TENT5D: variants seen among roughly 807,000 people sequenced by gnomAD.
The protein encoded by TENT5D is cancer/testis antigen 112.
For missense variants in TENT5D, 191 were observed against 287.0 expected (o/e 0.67, Z 2.42); for synonymous variants, 103 against 100.6 (o/e 1.02, Z -0.15).
intron 3 of TENT5D, among the ~76,000 whole-genome samples, chrX:80,390,851 A>T (rs1243704283): frequency 8.9e-6 from 1 of 112,057 alleles, no homozygotes; most frequent in Non-Finnish European, 1.9e-5. Flanking sequence ...TTTATTGTGG[A>T]TGTTGAAATC....
chrX:80,380,669 C>T (rs756478320), intron 3 of TENT5D, among the ~76,000 whole-genome samples: 53 of 111,656 alleles, frequency 4.7e-4, no homozygotes, highest in Non-Finnish European at 5.6e-4. Context: ...ATATTTAGGA[C>T]AGTTAGCTCT....
upstream of TENT5D, among the ~76,000 whole-genome samples, chrX:80,415,863 G>A (rs1340808075): frequency 8.9e-6 from 1 of 111,734 alleles, no homozygotes; most frequent in Non-Finnish European, 1.9e-5. Flanking sequence ...GGTTTCAATG[G>A]GAATGGCACC....
At chrX:80,398,868 A>T (rs1182288039) in intron 3 of TENT5D, among the ~76,000 whole-genome samples, 2 of 111,297 alleles carry the variant, frequency 1.8e-5, no homozygotes, top group Non-Finnish European at 3.8e-5. Context: ...TTTCTATGGA[A>T]CCATGAAAGA....
intron 2 of TENT5D, among the ~76,000 whole-genome samples, chrX:80,341,781 G>A (rs1929963019): frequency 2.0e-5 from 2 of 99,249 alleles, no homozygotes; most frequent in Admixed American, 1.1e-4. Flanking sequence ...GCGCGATCTC[G>A]GCTCACTGCA....
At chrX:80,385,007 T>C (rs1200396767) in intron 3 of TENT5D, among the ~76,000 whole-genome samples, 1 of 111,439 alleles carries the variant, frequency 9.0e-6, no homozygotes, top group East Asian at 2.8e-4. Context: ...CAAGGTAATT[T>C]ATACATTCAA....
intron 3 of TENT5D, among the ~76,000 whole-genome samples, chrX:80,404,687 A>G (rs1931448239): frequency 8.9e-6 from 1 of 112,035 alleles, no homozygotes; most frequent in Non-Finnish European, 1.9e-5. Flanking sequence ...TTTGACTGGC[A>G]TCTTCTACCA....
At chrX:80,348,446 A>T (rs921255295) in intron 3 of TENT5D, among the ~76,000 whole-genome samples, 1 of 111,303 alleles carries the variant, frequency 9.0e-6, no homozygotes, top group Non-Finnish European at 1.9e-5. Context: ...ATGGGAGTTC[A>T]CTCATGATTT....
chrX:80,418,499 T>A (rs1446001793), upstream of TENT5D, among the ~76,000 whole-genome samples: 2 of 111,277 alleles, frequency 1.8e-5, no homozygotes, highest in Non-Finnish European at 3.8e-5. Flanking sequence ...TTATGACCTT[T>A]GGAATGAATG....
intron 3 of TENT5D, among the ~76,000 whole-genome samples, chrX:80,411,989 C>T (rs1329147053): frequency 4.5e-5 from 5 of 112,356 alleles, no homozygotes; most frequent in African/African-American, 6.5e-5. Flanking sequence ...CCACACTGCC[C>T]TAACAGAGGG....
At position 80,442,930 on chromosome X, in the gene TENT5D, G is replaced by A. The variant is rs188396741; in HGVS notation, c.391G>A (p.Val131Ile). Residue 131 changes from valine to isoleucine, a missense_variant, in exon 3 of 3, where the codon GTA (valine) becomes ATA (isoleucine). Coordinates refer to ENST00000308293, the Ensembl canonical transcript of TENT5D. ...CCCAGATATCATGAAAGACGCTTAC[G>A]TACAGAAATTGGTCAAGGTTTGCAA... 4.2e-5 allele frequency: 51 copies of A among 1,209,620 alleles called. No homozygotes were observed. Among genetic ancestry groups the A allele is most frequent in the East Asian group, 1.5e-4 (5 of 33,741 alleles).
intron 3 of TENT5D, among the ~76,000 whole-genome samples, chrX:80,366,848 C>G (rs1481614742): frequency 9.0e-6 from 1 of 111,545 alleles, no homozygotes; most frequent in African/African-American, 3.2e-5. Context: ...TTCTACTATA[C>G]AATTCTGCTT....
At chrX:80,435,637 C>T (rs1351077967) in intron 1 of TENT5D, among the ~76,000 whole-genome samples, 2 of 112,068 alleles carry the variant, frequency 1.8e-5, no homozygotes, top group African/African-American at 3.2e-5. Flanking sequence ...AAAATAGCTG[C>T]CCATTTAGAA....
intron 3 of TENT5D, among the ~76,000 whole-genome samples, chrX:80,352,657 AG>A (rs1029590535): frequency 1.3e-4 from 12 of 95,999 alleles, no homozygotes; most frequent in Non-Finnish European, 2.0e-4. Context: ...CCCCCTTTCC[AG>A]GGGAATGAAT....
intron 3 of TENT5D, among the ~76,000 whole-genome samples, chrX:80,402,862 TTAGA>T (rs1378418074): frequency 8.9e-6 from 1 of 111,954 alleles, no homozygotes; most frequent in African/African-American, 3.2e-5. Flanking sequence ...TCTGTTGCCA[TTAGA>T]TAGAATGTTC....
intron 3 of TENT5D, among the ~76,000 whole-genome samples, chrX:80,348,593 C>T (rs1478876834): frequency 4.5e-5 from 5 of 111,487 alleles, no homozygotes; most frequent in South Asian, 3.8e-4. Flanking sequence ...TATAAAATCA[C>T]GTCATCTGCA....
intron 3 of TENT5D, among the ~76,000 whole-genome samples, chrX:80,360,744 T>C (rs17281692): frequency 0.097 from 10,769 of 111,438 alleles, 520 homozygotes; most frequent in African/African-American, 0.18. Context: ...AAGGCACATA[T>C]ATTGGAAGAA....
At chrX:80,387,596 CAA>C (rs1931043767) in intron 3 of TENT5D, among the ~76,000 whole-genome samples, 2 of 111,801 alleles carry the variant, frequency 1.8e-5, no homozygotes, top group Non-Finnish European at 3.8e-5. Context: ...TTCCCCGAAA[CAA>C]AGTCTCTCCT....
At chrX:80,339,135 T>C (rs182010227) in intron 2 of TENT5D, among the ~76,000 whole-genome samples, 1 of 111,165 alleles carries the variant, frequency 9.0e-6, no homozygotes, top group African/African-American at 3.3e-5. Flanking sequence ...GATTATTTGG[T>C]TTGCCTAGGT....
intron 3 of TENT5D, among the ~76,000 whole-genome samples, chrX:80,400,057 G>A (rs1194007002): frequency 9.0e-6 from 1 of 111,348 alleles, no homozygotes; most frequent in Non-Finnish European, 1.9e-5. Context: ...ATCCTGGGAT[G>A]CAAGTAGCAT....
Sources: allele counts gnomAD v4.1 joint callset (sites outside exome capture counted in the v4.1 genomes callset), GRCh38; gene constraint gnomAD v4.1.1; transcripts MANE v1.5; gene names NCBI Gene and HGNC (gene_info 2026-07-23, HGNC 2026-07-21).